The following RGS6 variants were observed in gnomAD, a reference collection of about 807,000 sequenced individuals.
The protein encoded by RGS6 is regulator of G-protein signaling 6.
RGS6 carries 30 observed loss-of-function variants against 78.5 expected under a neutral mutation model. That is an observed-to-expected ratio of 0.38 (90% confidence interval 0.29 to 0.52). RGS6 has a LOEUF of 0.52. RGS6 is among the 20% of genes least tolerant of loss of function. The pLI is 0.85. For missense variants in RGS6, 495 were observed against 609.7 expected (o/e 0.81, Z 1.98); for synonymous variants, 206 against 206.0 (o/e 1.00, Z 0.00).
chr14:72,420,157 G>A (rs921801187), intron 3 of RGS6, among the ~76,000 whole-genome samples: 3 of 152,232 alleles, frequency 2.0e-5, no homozygotes, highest in Non-Finnish European at 4.4e-5. Context: ...CCCCAGGCTT[G>A]CCTCCAATTT....
the RGS6 span, among the ~76,000 whole-genome samples, chr14:71,906,446 C>G: frequency 2.0e-5 from 3 of 152,196 alleles, no homozygotes; most frequent in Admixed American, 1.3e-4. Flanking sequence ...CTCACCCTCT[C>G]TCTTAGCTTT....
intron 17 of RGS6, 28 bp from the exon 18 acceptor site, chr14:72,562,389 G>A (rs568974370): frequency 3.0e-5 from 48 of 1,606,410 alleles, no homozygotes; most frequent in Middle Eastern, 1.7e-4. Context: ...GCGCCTGTGC[G>A]TGCCTCTCTG....
chr14:72,362,114 T>C (rs1236515077), intron 3 of RGS6, among the ~76,000 whole-genome samples: 1 of 152,204 alleles, frequency 6.6e-6, no homozygotes, highest in Non-Finnish European at 1.5e-5. Flanking sequence ...GCTGTTGCTA[T>C]GTGCCAGGCT....
chr14:72,419,018 C>T (rs112281811), intron 3 of RGS6, among the ~76,000 whole-genome samples: 1 of 152,192 alleles, frequency 6.6e-6, no homozygotes. Flanking sequence ...CTGGAGCCCA[C>T]CCAGGGAGCG....
intron 15 of RGS6, among the ~76,000 whole-genome samples, chr14:72,527,661 G>A (rs2097134944): frequency 6.6e-6 from 1 of 152,198 alleles, no homozygotes; most frequent in African/African-American, 2.4e-5. Flanking sequence ...CACTTGACAT[G>A]TATAATCATT....
At chr14:72,327,400 G>C (rs949840976) in intron 2 of RGS6, among the ~76,000 whole-genome samples, 1 of 152,086 alleles carries the variant, frequency 6.6e-6, no homozygotes, top group South Asian at 2.1e-4. Flanking sequence ...AATGCCCTCC[G>C]CTTCTTTCCC....
chr14:72,548,959 C>T (rs1214026680), intron 17 of RGS6, among the ~76,000 whole-genome samples: 4 of 152,188 alleles, frequency 2.6e-5, no homozygotes, highest in African/African-American at 2.4e-5. Flanking sequence ...GTTTCTACAC[C>T]AGATCCCATG....
At position 72,542,113 on chromosome 14, in the gene RGS6, A is replaced by AAAAAAAAC. The variant is rs375561739; in HGVS notation, c.1422+2019_1422+2020insAAAAAAAC. On this transcript the variant is annotated intron_variant, in intron 17 of 17. Coordinates refer to ENST00000553525, the MANE Select transcript of RGS6 (RefSeq NM_001204424.2). ...TAAAAGGCCCAAACTATTAAAAAAA[A>AAAAAAAAC]CTAAATTCCTAAATTCCCTGCTATT... 8.7e-3 allele frequency among the ~76,000 whole-genome samples: 1,324 copies of AAAAAAAAC among 152,158 alleles called. 14 individuals carry two copies. The highest frequency in any genetic ancestry group is 0.029 in the African/African-American group (1,220 of 41,450).
At chr14:72,608,379 G>A in the RGS6 span, among the ~76,000 whole-genome samples, 2 of 152,142 alleles carry the variant, frequency 1.3e-5, no homozygotes, top group Non-Finnish European at 2.9e-5. Context: ...GCAGACTCTA[G>A]AGACTCTAGG....
chr14:72,457,330 A>G (rs757876986), intron 4 of RGS6, among the ~76,000 whole-genome samples: 17 of 152,248 alleles, frequency 1.1e-4, no homozygotes, highest in Non-Finnish European at 2.2e-4. Flanking sequence ...CCCTGAGCAC[A>G]TTAACAATTT....
intron 2 of RGS6, among the ~76,000 whole-genome samples, chr14:72,293,231 T>C (rs1595417568): frequency 6.6e-6 from 1 of 152,364 alleles, no homozygotes; most frequent in South Asian, 2.1e-4. Context: ...GTTCATTCTT[T>C]GCCATTATCA....
At chr14:71,975,615 C>A (rs534202316) in intron 2 of RGS6, among the ~76,000 whole-genome samples, 1 of 152,066 alleles carries the variant, frequency 6.6e-6, no homozygotes, top group Non-Finnish European at 1.5e-5. Flanking sequence ...CGTGCCACCA[C>A]GCCCAAATAA....
chr14:72,045,711 A>G (rs955940762), intron 2 of RGS6, among the ~76,000 whole-genome samples: 1 of 151,924 alleles, frequency 6.6e-6, no homozygotes, highest in African/African-American at 2.4e-5. Flanking sequence ...CTTAAAGAAA[A>G]AAAAAAAAGC....
intron 2 of RGS6, among the ~76,000 whole-genome samples, chr14:72,187,286 T>G (rs151055060): frequency 6.6e-4 from 101 of 152,380 alleles, no homozygotes; most frequent in African/African-American, 2.4e-3. Flanking sequence ...GTATAACTAC[T>G]CATGTAAAAT....
intron 2 of RGS6, among the ~76,000 whole-genome samples, chr14:72,047,882 T>A (rs181452394): frequency 1.2e-3 from 183 of 146,912 alleles, no homozygotes; most frequent in South Asian, 1.5e-3. Flanking sequence ...TGTGCCACTA[T>A]GCCCAGCTAA....
At position 71,955,446 on chromosome 14, in the gene RGS6, A is replaced by C. The variant is rs1041820330; in HGVS notation, c.-20-9326A>C. ...TAAACTGAAAGCAAGTTTATTAAGAAAGTAGAGGAATTAAAGAATGGCTAC... is the reference window on the plus strand; with the variant it reads ...TAAACTGAAAGCAAGTTTATTAAGACAGTAGAGGAATTAAAGAATGGCTAC... On this transcript the variant is annotated intron_variant, in intron 1 of 17. Transcript: ENST00000553525. 5.3e-5 allele frequency among the ~76,000 whole-genome samples: 8 copies of C among 152,284 alleles called. No homozygotes were observed. The South Asian group carries it at 1.2e-3, about 24-fold the overall frequency.
chr14:72,564,901 T>C lies in RGS6; in HGVS notation c.*2434T>C, dbSNP rs1201545042. On this transcript the variant is annotated 3_prime_UTR_variant, in exon 18 of 18. Coordinates refer to ENST00000553525, the MANE Select transcript of RGS6 (RefSeq NM_001204424.2). ...ACTCAAACCCAGAGCAATAATACTC[T>C]CACACCACCCCACAGCTAAGGCACT... 1.3e-5 allele frequency: 2 copies of C among 152,306 alleles called. No homozygotes were observed. The highest frequency in any genetic ancestry group is 4.8e-5 in the African/African-American group (2 of 41,390). 9.4% of individuals were successfully genotyped at this position (152,306 alleles called of 1,614,324 possible). A position where few individuals can be genotyped will look rare whatever the true frequency, so the allele number is the denominator to read the frequency against.
chr14:72,487,484 G>C (rs1380010699), intron 12 of RGS6, among the ~76,000 whole-genome samples: 1 of 152,202 alleles, frequency 6.6e-6, no homozygotes, highest in Admixed American at 6.5e-5. Context: ...TTGCTAATCA[G>C]TTCACCTTAA....
the RGS6 span, among the ~76,000 whole-genome samples, chr14:72,618,765 AG>A: frequency 6.6e-6 from 1 of 152,214 alleles, no homozygotes; most frequent in Non-Finnish European, 1.5e-5. Context: ...GGAACAAGAA[AG>A]GGTTTCAAGA....
Sources: gnomAD v4.1 joint callset for allele counts (sites outside exome capture counted in the v4.1 genomes callset) on GRCh38, gnomAD v4.1.1 for gene constraint, MANE v1.5 for transcripts, NCBI Gene and HGNC (gene_info 2026-07-23, HGNC 2026-07-21) for gene names.